Variants in SAMD5 observed in about 807,000 individuals in gnomAD.
SAMD5 encodes sterile alpha motif domain containing 5.
SAMD5 carries 13 observed loss-of-function variants against 11.3 expected under a neutral mutation model. The observed-to-expected ratio is 1.15, with a 90% confidence interval of 0.75 to 1.83. The LOEUF (loss-of-function observed/expected upper bound fraction) is 1.83. Among genes scored for constraint, SAMD5 ranks in the 40% most tolerant of loss-of-function variants. SAMD5 has a pLI of 0.00. For missense variants in SAMD5, 255 were observed against 239.1 expected (o/e 1.07, Z -0.44); for synonymous variants, 129 against 111.3 (o/e 1.16, Z -1.00).
intron 1 of SAMD5, among the ~76,000 whole-genome samples, chr6:147,587,073 T>C (rs1432920737): frequency 6.6e-6 from 1 of 152,134 alleles, no homozygotes; most frequent in East Asian, 1.9e-4. Context: ...GGGGTTTGAG[T>C]ATTTATTTAT....
chr6:147,664,799 GA>G (rs1014561007), intron 1 of SAMD5, among the ~76,000 whole-genome samples: 4 of 151,108 alleles, frequency 2.6e-5, no homozygotes, highest in Admixed American at 6.6e-5. Context: ...TTTGCAACTA[GA>G]AAAAAAAATT....
At chr6:147,746,768 T>C in the SAMD5 span, among the ~76,000 whole-genome samples, 1 of 152,182 alleles carries the variant, frequency 6.6e-6, no homozygotes, top group South Asian at 2.1e-4. Context: ...TGCACAGTGG[T>C]AGCCTGGAAT....
the SAMD5 span, among the ~76,000 whole-genome samples, chr6:147,854,914 G>A: frequency 6.6e-6 from 1 of 152,166 alleles, no homozygotes; most frequent in Non-Finnish European, 1.5e-5. Context: ...TACAGGGAGT[G>A]TACTACTGGG....
At chr6:147,951,933 A>G in the SAMD5 span, among the ~76,000 whole-genome samples, 1 of 152,342 alleles carries the variant, frequency 6.6e-6, no homozygotes, top group Admixed American at 6.5e-5. Flanking sequence ...ATAGAACACC[A>G]TTTAACGCAG....
chr6:147,511,435 T>G (rs1283594349), intron 1 of SAMD5, among the ~76,000 whole-genome samples: 2 of 152,260 alleles, frequency 1.3e-5, no homozygotes, highest in Admixed American at 1.3e-4. Context: ...TGCAATACTA[T>G]TTACTTTCCA....
rs762266294 is a variant in SAMD5, at chr6:147,565,126, G to A, written c.*670G>A. ...CTCTTTTTAAATTTAATCTGGCTGA[G>A]GTTTAGTATTAGGACTAATACAAGT... On this transcript the variant is annotated 3_prime_UTR_variant, in exon 2 of 2. Transcript: ENST00000367474. The A allele has an allele frequency of 7.1e-6, 7 of 985,058 alleles. No homozygotes were observed. Among genetic ancestry groups the A allele is most frequent in the Non-Finnish European group, 8.4e-6 (7 of 829,444 alleles). The allele number at this position is 985,058 out of a possible 1,614,324, so 61.0% of individuals were successfully genotyped here. A position where few individuals can be genotyped will look rare whatever the true frequency, so the allele number is the denominator to read the frequency against.
intron 1 of SAMD5, among the ~76,000 whole-genome samples, chr6:147,523,855 T>C (rs926064348): frequency 6.6e-6 from 1 of 152,188 alleles, no homozygotes; most frequent in Non-Finnish European, 1.5e-5. Context: ...GATGGGATAG[T>C]TGCTGCCCGG....
intron 1 of SAMD5, among the ~76,000 whole-genome samples, chr6:147,601,419 T>C (rs702354): frequency 0.73 from 110,866 of 151,858 alleles, 40,959 homozygotes; most frequent in African/African-American, 0.84. Flanking sequence ...TCTAGAACAA[T>C]TTCTCTAACT....
intron 1 of SAMD5, among the ~76,000 whole-genome samples, chr6:147,672,686 G>T (rs1387311911): frequency 6.6e-6 from 1 of 150,812 alleles, no homozygotes; most frequent in African/African-American, 2.4e-5. Flanking sequence ...TTCCACAGAG[G>T]CCACTTTAAG....
intron 1 of SAMD5, among the ~76,000 whole-genome samples, chr6:147,649,981 G>A (rs912391001): frequency 7.9e-5 from 12 of 152,138 alleles, no homozygotes; most frequent in Non-Finnish European, 1.2e-4. Context: ...TACAGAGAGT[G>A]ACAAAATAAT....
At chr6:147,821,851 C>T in the SAMD5 span, among the ~76,000 whole-genome samples, 25 of 152,098 alleles carry the variant, frequency 1.6e-4, no homozygotes, top group South Asian at 4.1e-4. Context: ...TTTCCAGCCC[C>T]GGACCCCATG....
the SAMD5 span, among the ~76,000 whole-genome samples, chr6:147,904,738 G>C: frequency 2.0e-5 from 3 of 152,062 alleles, no homozygotes; most frequent in Non-Finnish European, 4.4e-5. Context: ...GCGGTTGCCA[G>C]CTTTACCACA....
At chr6:147,727,639 A>G (rs376786711) in intron 1 of SAMD5, among the ~76,000 whole-genome samples, 2 of 151,122 alleles carry the variant, frequency 1.3e-5, no homozygotes, top group South Asian at 4.2e-4. Context: ...TTTCAACAAC[A>G]GGCCACTAGA....
chr6:147,950,056 G>C, the SAMD5 span, among the ~76,000 whole-genome samples: 1 of 152,160 alleles, frequency 6.6e-6, no homozygotes, highest in East Asian at 1.9e-4. Flanking sequence ...TCAAAAAACA[G>C]ATAGAAAACC....
chr6:147,600,792 G>A (rs1789603370), intron 1 of SAMD5, among the ~76,000 whole-genome samples: 1 of 152,196 alleles, frequency 6.6e-6, no homozygotes. Flanking sequence ...AAAGCAGAAA[G>A]TGTGAGAACA....
At chr6:147,852,517 TA>T in the SAMD5 span, among the ~76,000 whole-genome samples, 19 of 152,074 alleles carry the variant, frequency 1.2e-4, no homozygotes, top group African/African-American at 4.1e-4. Flanking sequence ...ATTTTCTATC[TA>T]AAAAAAAGTT....
the SAMD5 span, among the ~76,000 whole-genome samples, chr6:147,864,514 T>C: frequency 6.6e-6 from 1 of 152,182 alleles, no homozygotes; most frequent in Non-Finnish European, 1.5e-5. Flanking sequence ...CAGGCATCAT[T>C]TGGGGGAGAT....
chr6:147,836,776 A>G, the SAMD5 span, among the ~76,000 whole-genome samples: 1 of 152,206 alleles, frequency 6.6e-6, no homozygotes, highest in Admixed American at 6.5e-5. Flanking sequence ...AAACTCAGTC[A>G]CTGTATCTTC....
the SAMD5 span, among the ~76,000 whole-genome samples, chr6:147,906,338 C>A: frequency 2.0e-4 from 30 of 152,182 alleles, no homozygotes; most frequent in East Asian, 1.9e-4. Flanking sequence ...TACCAACTTT[C>A]TTCTCTGCCA....
Sources: allele counts gnomAD v4.1 joint callset (sites outside exome capture counted in the v4.1 genomes callset), GRCh38; gene constraint gnomAD v4.1.1; transcripts MANE v1.5; gene names NCBI Gene and HGNC (gene_info 2026-07-23, HGNC 2026-07-21).